Variants in RNF217 observed in about 807,000 individuals in gnomAD.
The protein encoded by RNF217 is E3 ubiquitin-protein ligase RNF217.
A neutral mutation model predicts 57.8 loss-of-function variants in RNF217; 31 were observed. That is an observed-to-expected ratio of 0.54 (90% CI 0.40 to 0.72). RNF217 has a LOEUF of 0.72. Among genes scored for constraint, RNF217 ranks in the 30% least tolerant of loss-of-function variants. The pLI is 0.00. For synonymous variants in RNF217, 313 were observed against 294.0 expected (o/e 1.06, Z -0.66); for missense variants, 696 against 708.3 (o/e 0.98, Z 0.20).
At chr6:125,064,865 T>C (rs1296220841) in intron 3 of RNF217, among the ~76,000 whole-genome samples, 3 of 152,062 alleles carry the variant, frequency 2.0e-5, no homozygotes, top group Non-Finnish European at 2.9e-5. Flanking sequence ...GTTAGGGTAC[T>C]AGAAAATGTA....
chr6:124,997,349 AG>A (rs1384504248), intron 1 of RNF217, among the ~76,000 whole-genome samples: 4 of 152,212 alleles, frequency 2.6e-5, no homozygotes, highest in African/African-American at 9.6e-5. Context: ...CAGGTAAGTC[AG>A]CACAAAAGGA....
At position 124,962,606 on chromosome 6, in the gene RNF217, C is replaced by A; in HGVS notation, c.62C>A (p.Ala21Asp). 1 of 1,313,034 alleles carries A rather than the reference C, an allele frequency of 7.6e-7. No individual in the cohort carries two copies. The highest frequency in any genetic ancestry group is 2.3e-5 in the South Asian group (1 of 43,684). The allele number at this position is 1,313,034 out of a possible 1,614,324, so 81.3% of individuals were successfully genotyped here. ...GGGPQESQTL[A>D]SGTAGHPEPP... ...GGGCCCCAGGAGTCGCAGACCCTGG[C>A]CAGTGGCACTGCGGGCCACCCTGAG... The change falls in exon 1 of 6, where the codon GCC becomes GAC. Residue 21 changes from alanine (A) to aspartate (D), a missense_variant. By Grantham distance (126) the Ala-to-Asp change is moderately radical. Transcript: ENST00000521654. The surrounding 1 kb of genome is among the most constrained non-coding windows in gnomAD (Gnocchi z 4.6).
At chr6:125,063,212 A>G (rs536647033) in intron 3 of RNF217, among the ~76,000 whole-genome samples, 5 of 152,320 alleles carry the variant, frequency 3.3e-5, no homozygotes, top group African/African-American at 1.2e-4. Context: ...AGTTAAGAAG[A>G]AAAGTTTCTA....
In RNF217 at chr6:125,040,070, A is replaced by G. The variant is rs190181721; in HGVS notation, c.883-5141A>G. ...AGCAAACAAATTCAAAAGCTAACAG[A>G]AGACAAAAAATAACTAAGATCAGAG... is the stretch of plus-strand genomic sequence containing the variant. On this transcript the variant is annotated intron_variant, in intron 1 of 5. Transcript: ENST00000521654. Among the ~76,000 whole-genome samples the G allele has an allele frequency of 2.1e-3, 324 of 152,310 alleles. 2 individuals carry two copies. Among genetic ancestry groups the G allele is most frequent in the Middle Eastern group, 0.01 (3 of 294 alleles).
intron 1 of RNF217, among the ~76,000 whole-genome samples, chr6:124,998,204 C>T (rs1784821856): frequency 6.6e-6 from 1 of 152,112 alleles, no homozygotes; most frequent in Non-Finnish European, 1.5e-5. Flanking sequence ...CTTATTTTTT[C>T]ACACTTTACT....
At chr6:125,030,778 G>A (rs780432052) in intron 1 of RNF217, among the ~76,000 whole-genome samples, 23 of 152,172 alleles carry the variant, frequency 1.5e-4, no homozygotes, top group South Asian at 4.1e-4. Flanking sequence ...GCAAGCTGTC[G>A]GTGGATGTAC....
At chr6:124,970,930 C>T (rs1360078985) in intron 1 of RNF217, among the ~76,000 whole-genome samples, 2 of 152,192 alleles carry the variant, frequency 1.3e-5, no homozygotes, top group Non-Finnish European at 2.9e-5. Flanking sequence ...AATTGACCAT[C>T]AGATTTCCCA....
Position 125,026,422 on chromosome 6 carries a change from G to A in RNF217, c.883-18789G>A, listed in dbSNP as rs1332346380. Reference sequence around the variant, plus strand: ...GAATAGTGCCTGGCACATACTAAACGCTCAACAAATGTTAGCTGCTGCTAT... The same window carrying A: ...GAATAGTGCCTGGCACATACTAAACACTCAACAAATGTTAGCTGCTGCTAT... On this transcript the variant is annotated intron_variant, in intron 1 of 5. Coordinates refer to ENST00000521654, the MANE Select transcript of RNF217 (RefSeq NM_001286398.3). Among the ~76,000 whole-genome samples the A allele has an allele frequency of 3.9e-5, 6 of 151,996 alleles. No homozygotes were observed. In the East Asian group the frequency reaches 7.7e-4, roughly 20 times the overall value.
At chr6:125,077,718 T>C (rs1444384134) in intron 4 of RNF217, among the ~76,000 whole-genome samples, 1 of 152,200 alleles carries the variant, frequency 6.6e-6, no homozygotes, top group Non-Finnish European at 1.5e-5. Context: ...ATCACATGGA[T>C]GTCTGTTAGA....
chr6:125,028,240 T>C (rs528122255), intron 1 of RNF217, among the ~76,000 whole-genome samples: 1 of 152,236 alleles, frequency 6.6e-6, no homozygotes, highest in South Asian at 2.1e-4. Context: ...CAGTACCCCT[T>C]TAAATATATG....
chr6:125,069,831 A>G (rs149733317), intron 3 of RNF217, among the ~76,000 whole-genome samples: 2,608 of 152,142 alleles, frequency 0.017, 61 homozygotes, highest in African/African-American at 0.06. Flanking sequence ...AATAATACCC[A>G]TTCTGACTGG....
intron 1 of RNF217, among the ~76,000 whole-genome samples, chr6:124,981,778 G>A (rs1189056054): frequency 6.6e-6 from 1 of 151,780 alleles, no homozygotes; most frequent in East Asian, 1.9e-4. Context: ...CAGCACTTTG[G>A]GAGGCCGAGG....
intron 2 of RNF217, chr6:125,046,503 T>G: frequency 2.3e-6 from 1 of 440,246 alleles, no homozygotes; most frequent in Non-Finnish European, 4.6e-6. Context: ...CTTCCAAATT[T>G]TTGAGCCTCA....
At chr6:124,988,251 A>G (rs1784428295) in intron 1 of RNF217, among the ~76,000 whole-genome samples, 1 of 152,184 alleles carries the variant, frequency 6.6e-6, no homozygotes, top group South Asian at 2.1e-4. Flanking sequence ...GTCTTCCATG[A>G]TACCAGTCCC....
chr6:124,969,431 T>C (rs1174345216), intron 1 of RNF217, among the ~76,000 whole-genome samples: 1 of 152,190 alleles, frequency 6.6e-6, no homozygotes, highest in Non-Finnish European at 1.5e-5. Flanking sequence ...CCAAATTGAA[T>C]TTTTGCTTTA....
intron 1 of RNF217, among the ~76,000 whole-genome samples, chr6:124,969,924 A>G (rs1167920904): frequency 1.3e-5 from 2 of 152,194 alleles, no homozygotes; most frequent in Admixed American, 6.5e-5. Flanking sequence ...AGAGATCTTC[A>G]TGATGCCAAT....
intron 1 of RNF217, among the ~76,000 whole-genome samples, chr6:124,973,131 AT>A (rs1783823299): frequency 1.3e-5 from 2 of 152,308 alleles, no homozygotes; most frequent in African/African-American, 4.8e-5. Flanking sequence ...AAATTTCAGT[AT>A]TTCATTTTCT....
intron 1 of RNF217, among the ~76,000 whole-genome samples, chr6:124,971,022 A>T (rs1783740811): frequency 6.6e-6 from 1 of 152,196 alleles, no homozygotes; most frequent in Admixed American, 6.5e-5. Context: ...GTGGGTTCAA[A>T]AGAACAGGAA....
At chr6:125,060,745 A>G (rs1787699836) in intron 3 of RNF217, among the ~76,000 whole-genome samples, 1 of 152,108 alleles carries the variant, frequency 6.6e-6, no homozygotes, top group Admixed American at 6.6e-5. Flanking sequence ...ACGCCAAACC[A>G]TATTTTGATT....
Sources: gnomAD v4.1 joint callset for allele counts (sites outside exome capture counted in the v4.1 genomes callset) on GRCh38, gnomAD v4.1.1 for gene constraint, Gnocchi (gnomAD v3.1) non-coding constraint, MANE v1.5 for transcripts, NCBI Gene and HGNC (gene_info 2026-07-23, HGNC 2026-07-21) for gene names.